Variants in DTNA observed in about 807,000 individuals in gnomAD.
The protein encoded by DTNA is dystrophin-related protein 3.
DTNA carries 43 observed loss-of-function variants against 100.7 expected under a neutral mutation model. That is an observed-to-expected ratio of 0.43 (90% CI 0.33 to 0.55). The LOEUF is 0.55. DTNA is among the 20% of genes least tolerant of loss of function. The pLI, the probability that DTNA is intolerant of heterozygous loss-of-function variation, is 0.04. For synonymous variants in DTNA, 349 were observed against 347.9 expected (o/e 1.00, Z -0.04); for missense variants, 798 against 953.9 (o/e 0.84, Z 2.15).
intron 1 of DTNA, among the ~76,000 whole-genome samples, chr18:34,553,166 TA>T (rs1568639187): frequency 1.3e-5 from 2 of 151,718 alleles, no homozygotes; most frequent in African/African-American, 2.4e-5. Context: ...TTTGGCTGCA[TA>T]AATGTCTTCT....
intron 8 of DTNA, among the ~76,000 whole-genome samples, chr18:34,819,975 G>A (rs566827880): frequency 3.4e-5 from 5 of 145,642 alleles, no homozygotes; most frequent in South Asian, 2.3e-4. Context: ...AAGCAATTGC[G>A]GTTTTTGCCA....
chr18:34,569,632 C>T (rs1302790884), intron 1 of DTNA, among the ~76,000 whole-genome samples: 2 of 152,060 alleles, frequency 1.3e-5, no homozygotes, highest in Admixed American at 6.6e-5. Flanking sequence ...AGGGAATTGG[C>T]TCATGTGACT....
rs996006176 is a variant in DTNA at position 34,631,913 on chromosome 18, A to G, written c.-1-124063A>G. On this transcript the variant is annotated intron_variant, in intron 1 of 19. Coordinates refer to the DTNA transcript ENST00000283365. ...GGGTTCTCCTCAAATTTAGTGAGCT[A>G]TACTTCTATCGGGAGTTTCACAATT... Among the ~76,000 whole-genome samples, 97 of 152,178 alleles carry G rather than the reference A, an allele frequency of 6.4e-4. 1 individual carries two copies. The highest frequency in any genetic ancestry group is 4.4e-5 in the Non-Finnish European group (3 of 68,036).
chr18:34,706,396 T>C (rs1056947814), upstream of DTNA, among the ~76,000 whole-genome samples: 5 of 152,228 alleles, frequency 3.3e-5, no homozygotes, highest in Non-Finnish European at 7.3e-5. Flanking sequence ...TATCTTTTCA[T>C]GAGAACATGG....
chr18:34,816,378 AC>A (rs2095598018), intron 7 of DTNA, among the ~76,000 whole-genome samples: 1 of 152,132 alleles, frequency 6.6e-6, no homozygotes, highest in South Asian at 2.1e-4. Context: ...CTTCCCAGGC[AC>A]TCAGCCAGAA....
chr18:34,523,796 CAA>C (rs2042360182), intron 1 of DTNA, among the ~76,000 whole-genome samples: 2 of 152,156 alleles, frequency 1.3e-5, no homozygotes, highest in Admixed American at 1.3e-4. Context: ...TATAATGAGA[CAA>C]TATCTAGTGA....
Position 34,688,951 on chromosome 18 carries a change from A to G in DTNA, c.-1-67025A>G, listed in dbSNP as rs8097818. ...GATCGATTCAGCTATTGATATTTGT[A>G]TATGCTTCACAAAGTTCTGGTGCTG... is the stretch of plus-strand genomic sequence containing the variant. On this transcript the variant is annotated intron_variant, in intron 1 of 19. Transcript: ENST00000283365. Among the ~76,000 whole-genome samples the G allele has an allele frequency of 4.8e-3, 726 of 151,978 alleles. 8 individuals carry two copies. Among genetic ancestry groups the G allele is most frequent in the African/African-American group, 0.016 (683 of 41,446 alleles).
chr18:34,567,900 T>C (rs1236832673), intron 1 of DTNA, among the ~76,000 whole-genome samples: 1 of 152,218 alleles, frequency 6.6e-6, no homozygotes, highest in Admixed American at 6.5e-5. Context: ...ACTTTTAATG[T>C]CACTATCAAG....
chr18:34,786,398 C>T (rs192318292), intron 3 of DTNA, among the ~76,000 whole-genome samples: 12 of 152,130 alleles, frequency 7.9e-5, no homozygotes, highest in African/African-American at 2.2e-4. Flanking sequence ...AAATTCATGC[C>T]GGGAATATTG....
Position 34,818,744 on chromosome 18 carries a change from G to A in DTNA, c.876+414G>A, listed in dbSNP as rs563356718. On this transcript the variant is annotated intron_variant, in intron 8 of 22. Coordinates refer to ENST00000444659, the MANE Select transcript of DTNA (RefSeq NM_001386795.1). ...TAGATTCTGGAGTTCTTTTAAGTGC[G>A]TGACTAGAATATTAAAGAAACAAGT... 3.6e-4 allele frequency: 252 copies of A among 695,102 alleles called. No homozygotes were observed. The African/African-American group carries it at 4.3e-3, about 12-fold the overall frequency. The allele number at this position is 695,102 out of a possible 1,614,324, so 43.1% of individuals were successfully genotyped here. A position where few individuals can be genotyped will look rare whatever the true frequency, so the allele number is the denominator to read the frequency against.
At chr18:34,672,250 T>G (rs565195281) in intron 1 of DTNA, among the ~76,000 whole-genome samples, 1 of 152,318 alleles carries the variant, frequency 6.6e-6, no homozygotes, top group Non-Finnish European at 1.5e-5. Flanking sequence ...CATATTGCCC[T>G]ACTTATATTC....
At chr18:34,868,604 C>G in intron 17 of DTNA, 1 of 985,412 alleles carries the variant, frequency 1.0e-6, no homozygotes, top group South Asian at 4.7e-5. Context: ...TTAATAACCT[C>G]TACTTGCTTT....
chr18:34,666,032 C>A (rs1456251387), intron 1 of DTNA, among the ~76,000 whole-genome samples: 3 of 152,210 alleles, frequency 2.0e-5, no homozygotes, highest in African/African-American at 7.2e-5. Context: ...AGTTTACAGT[C>A]CCACCAACAG....
intron 1 of DTNA, among the ~76,000 whole-genome samples, chr18:34,590,706 A>G (rs1486338271): frequency 6.6e-6 from 1 of 152,204 alleles, no homozygotes; most frequent in Non-Finnish European, 1.5e-5. Flanking sequence ...TTACATGCCC[A>G]GTTTTCTTTG....
rs763336647 is a variant in DTNA at position 34,879,769 on chromosome 18, A to G, written c.2162+50A>G. ...TTTTCTCAGTAACAAAACAATCTGT[A>G]GGAGACAATAAGAAAGTAAAAGCAT... On this transcript the variant is annotated intron_variant, in intron 20 of 22. Coordinates refer to ENST00000444659, the MANE Select transcript of DTNA (RefSeq NM_001386795.1). 10 of 1,608,170 alleles carry G rather than the reference A, an allele frequency of 6.2e-6. No individual in the cohort carries two copies. In the South Asian group the frequency reaches 1.0e-4, roughly 16 times the overall value.
At chr18:34,529,308 T>C (rs2042928760) in intron 1 of DTNA, among the ~76,000 whole-genome samples, 1 of 152,140 alleles carries the variant, frequency 6.6e-6, no homozygotes, top group Admixed American at 6.6e-5. Flanking sequence ...TTCATTATGT[T>C]ACAGTATGTG....
chr18:34,684,230 T>C (rs56892376), intron 1 of DTNA, among the ~76,000 whole-genome samples: 5,123 of 152,172 alleles, frequency 0.034, 267 homozygotes, highest in African/African-American at 0.11. Flanking sequence ...ACAGGTACCA[T>C]GGTGCTTTGC....
At chr18:34,812,149 C>T (rs1166645593) in intron 6 of DTNA, 36 bp downstream of exon 6, 2 of 1,613,356 alleles carry the variant, frequency 1.2e-6, no homozygotes, top group East Asian at 2.2e-5. Flanking sequence ...GTATCTCTTT[C>T]AAACAGTGGT....
intron 1 of DTNA, among the ~76,000 whole-genome samples, chr18:34,512,148 T>C (rs1387707688): frequency 6.6e-6 from 1 of 151,972 alleles, no homozygotes; most frequent in African/African-American, 2.4e-5. Flanking sequence ...AGGCTGTGTG[T>C]TTAGGAGACT....
Sources: gnomAD v4.1 joint callset for allele counts (sites outside exome capture counted in the v4.1 genomes callset) on GRCh38, gnomAD v4.1.1 for gene constraint, MANE v1.5 for transcripts, NCBI Gene and HGNC (gene_info 2026-07-23, HGNC 2026-07-21) for gene names.